The following ABCB5 variants were observed in gnomAD, a reference collection of about 807,000 sequenced individuals.
ABCB5 encodes ATP binding cassette subfamily B member 5.
ABCB5 carries 155 observed loss-of-function variants against 144.2 expected under a neutral mutation model. That is an observed-to-expected ratio of 1.08 (90% confidence interval 0.94 to 1.23). The LOEUF (loss-of-function observed/expected upper bound fraction) is 1.23, where lower values mean the gene tolerates loss of function less well. Among genes scored for constraint, ABCB5 ranks in the 50% most tolerant of loss-of-function variants. The probability of loss-of-function intolerance (pLI) is 0.00; values close to 1 mark genes in which losing one functional copy is unlikely to be tolerated. For missense variants in ABCB5, 1,830 were observed against 1,520.8 expected (o/e 1.20, Z -3.38); for synonymous variants, 610 against 528.6 (o/e 1.15, Z -2.11).
intron 16 of ABCB5, among the ~76,000 whole-genome samples, chr7:20,698,198 T>C (rs1156965956): frequency 6.6e-6 from 1 of 152,004 alleles, no homozygotes; most frequent in Admixed American, 6.5e-5. Flanking sequence ...ATTGCACAAA[T>C]AGTCACTTGT....
intron 26 of ABCB5, among the ~76,000 whole-genome samples, chr7:20,745,737 G>A (rs960411226): frequency 2.0e-5 from 3 of 152,314 alleles, no homozygotes; most frequent in African/African-American, 4.8e-5. Flanking sequence ...CCGCCACGGC[G>A]GTAGCCTCTT....
intron 19 of ABCB5, among the ~76,000 whole-genome samples, chr7:20,700,489 T>A (rs1022271411): frequency 6.6e-5 from 10 of 152,228 alleles, no homozygotes; most frequent in Admixed American, 5.9e-4. Flanking sequence ...TGGGAATGTA[T>A]CTGAAAAGAA....
chr7:20,637,839 T>A (rs1461476737), intron 5 of ABCB5, among the ~76,000 whole-genome samples: 1 of 152,234 alleles, frequency 6.6e-6, no homozygotes, highest in Non-Finnish European at 1.5e-5. Context: ...CAACTCCGTG[T>A]TAGATTAGCA....
chr7:20,628,124 CA>C (rs1213587037), intron 3 of ABCB5, among the ~76,000 whole-genome samples: 4 of 152,182 alleles, frequency 2.6e-5, no homozygotes, highest in African/African-American at 9.7e-5. Context: ...TTGACATTTA[CA>C]TTAGGTATTT....
At chr7:20,737,102 G>A (rs755118210) in intron 23 of ABCB5, among the ~76,000 whole-genome samples, 3 of 151,644 alleles carry the variant, frequency 2.0e-5, no homozygotes, top group Non-Finnish European at 2.9e-5. Context: ...AGGTTGCAGT[G>A]AGCTGACATC....
chr7:20,755,890 T>G lies in ABCB5; in HGVS notation c.*266T>G. On this transcript the variant is annotated 3_prime_UTR_variant, in exon 28 of 28. Transcript: ENST00000404938. Reference sequence around the variant, plus strand: ...TAGCACATTTGCTTGTAAAGCAGTTTTCTACAAGGTGAATTTATTTCCCAT... The same window carrying G: ...TAGCACATTTGCTTGTAAAGCAGTTGTCTACAAGGTGAATTTATTTCCCAT... The G allele has an allele frequency of 5.3e-6, 2 of 380,436 alleles. No individual in the cohort carries two copies. Among genetic ancestry groups the G allele is most frequent in the Non-Finnish European group, 9.6e-6 (2 of 208,844 alleles). The allele number at this position is 380,436 out of a possible 1,614,324, so 23.6% of individuals were successfully genotyped here.
At chr7:20,749,322 G>T (rs1293506292) in intron 26 of ABCB5, among the ~76,000 whole-genome samples, 1 of 149,610 alleles carries the variant, frequency 6.7e-6, no homozygotes, top group Non-Finnish European at 1.5e-5. Context: ...TGACCTCCTG[G>T]GCTCAAGTGT....
intron 21 of ABCB5, among the ~76,000 whole-genome samples, chr7:20,726,708 G>A (rs1007071804): frequency 6.6e-6 from 1 of 152,034 alleles, no homozygotes; most frequent in Admixed American, 6.6e-5. Context: ...TTTGTAGGAA[G>A]CTCCTTTGCA....
intron 19 of ABCB5, among the ~76,000 whole-genome samples, chr7:20,704,470 A>T (rs557995449): frequency 6.6e-6 from 1 of 152,180 alleles, no homozygotes; most frequent in Admixed American, 6.5e-5. Context: ...TTTTAATTCA[A>T]CATTGATTAT....
At chr7:20,671,282 A>T (rs181578010) in intron 14 of ABCB5, among the ~76,000 whole-genome samples, 73 of 152,304 alleles carry the variant, frequency 4.8e-4, no homozygotes, top group African/African-American at 1.7e-3. Flanking sequence ...TGGGCTGCTG[A>T]ATGTATTTGC....
At chr7:20,705,749 A>T (rs1786802273) in intron 20 of ABCB5, among the ~76,000 whole-genome samples, 1 of 151,994 alleles carries the variant, frequency 6.6e-6, no homozygotes, top group African/African-American at 2.4e-5. Context: ...AACCCATCAG[A>T]ATTGTATGTT....
At chr7:20,654,448 C>T (rs1465329413) in intron 13 of ABCB5, among the ~76,000 whole-genome samples, 11 of 142,662 alleles carry the variant, frequency 7.7e-5, no homozygotes, top group Non-Finnish European at 4.5e-5. Flanking sequence ...ATAGAACAAG[C>T]AGGTGGAATA....
intron 14 of ABCB5, among the ~76,000 whole-genome samples, chr7:20,669,483 TA>T (rs2128035048): frequency 7.8e-6 from 1 of 128,750 alleles, no homozygotes; most frequent in South Asian, 3.0e-4. Flanking sequence ...TTAAATGGAT[TA>T]AGGGCGGTGC....
At chr7:20,734,544 T>G (rs1782323561) in intron 23 of ABCB5, among the ~76,000 whole-genome samples, 1 of 151,632 alleles carries the variant, frequency 6.6e-6, no homozygotes, top group Non-Finnish European at 1.5e-5. Flanking sequence ...AAAATGACAT[T>G]GTGTCTCAGA....
intron 3 of ABCB5, among the ~76,000 whole-genome samples, chr7:20,627,849 A>G (rs148795863): frequency 3.0e-4 from 45 of 152,336 alleles, no homozygotes; most frequent in African/African-American, 9.6e-4. Context: ...GAAAATGTGC[A>G]GATCAGCTTT....
At position 20,699,874 on chromosome 7, in the gene ABCB5, A is replaced by C; in HGVS notation, c.2204A>C (p.Tyr735Ser). Reference protein sequence around the residue: ...KTTLKHDAEIYSMIFVILGVI... With the variant: ...KTTLKHDAEISSMIFVILGVI... Reference sequence around the variant, plus strand: ...ACATTAAAGCATGATGCAGAAATTTATTCCATGATATTCGTCATTTTGGGT... The same window carrying C: ...ACATTAAAGCATGATGCAGAAATTTCTTCCATGATATTCGTCATTTTGGGT... The change falls in exon 18 of 28, where the codon TAT becomes TCT. Residue 735 changes from tyrosine (Y) to serine (S), a missense_variant. Coordinates refer to ENST00000404938, the MANE Select transcript of ABCB5 (RefSeq NM_001163941.2). 6.2e-7 allele frequency: 1 copy of C among 1,612,894 alleles called. No individual in the cohort carries two copies. Among genetic ancestry groups the C allele is most frequent in the Non-Finnish European group, 8.5e-7 (1 of 1,179,520 alleles).
rs1783063579 is a variant in ABCB5 at position 20,755,547 on chromosome 7, G to A, written c.3697G>A (p.Glu1233Lys). The A allele has an allele frequency of 3.1e-6, 5 of 1,614,132 alleles. No individual in the cohort carries two copies. The highest frequency in any genetic ancestry group is 2.7e-5 in the African/African-American group (2 of 75,024). The part of the protein sequence containing the change: ...IVVLHNGKIK[E>K]QGTHQELLRN... ...GGTTCTGCACAATGGAAAGATAAAG[G>A]AACAAGGAACTCATCAAGAGCTCCT... Residue 1233 changes from glutamate to lysine, a missense_variant, in exon 28 of 28, where the codon GAA (glutamate) becomes AAA (lysine). By Grantham distance (56) the Glu-to-Lys change is moderately conservative (BLOSUM62 1). Transcript: ENST00000404938.
intron 14 of ABCB5, among the ~76,000 whole-genome samples, chr7:20,665,977 C>T (rs988997207): frequency 2.6e-5 from 4 of 151,770 alleles, no homozygotes; most frequent in African/African-American, 9.7e-5. Context: ...TGAGACCAGC[C>T]TGACCAACAT....
intron 23 of ABCB5, among the ~76,000 whole-genome samples, chr7:20,738,473 C>G (rs76032701): frequency 6.6e-6 from 1 of 152,168 alleles, no homozygotes; most frequent in Non-Finnish European, 1.5e-5. Context: ...GAGGAAAATA[C>G]GATCCCCATG....
Sources: allele counts gnomAD v4.1 joint callset (sites outside exome capture counted in the v4.1 genomes callset), GRCh38; gene constraint gnomAD v4.1.1; transcripts MANE v1.5; gene names NCBI Gene and HGNC (gene_info 2026-07-23, HGNC 2026-07-21).